Variants in ARL1 observed in about 807,000 individuals in gnomAD.
ARL1 encodes the protein ARF like GTPase 1.
In ARL1, 17 loss-of-function variants were observed where a neutral mutation model predicts 30.1. That is an observed-to-expected ratio of 0.56 (90% CI 0.39 to 0.85). ARL1 has a LOEUF of 0.85. Ranked by LOEUF, ARL1 falls within the 40% of genes least tolerant of loss-of-function variation. The probability of loss-of-function intolerance (pLI) is 0.00; values close to 1 mark genes in which losing one functional copy is unlikely to be tolerated. For missense variants in ARL1, 102 were observed against 212.6 expected, an observed-to-expected ratio of 0.48 and a Z score of 3.24; for synonymous variants, 58 against 71.7, an observed-to-expected ratio of 0.81 and a Z score of 0.97.
Position 101,407,757 on chromosome 12 carries a change from TC to T in ARL1, c.-113del. 6.6e-7 allele frequency: 1 copy of T among 1,506,482 alleles called. No individual in the cohort carries two copies. Among genetic ancestry groups the T allele is most frequent in the Non-Finnish European group, 9.2e-7 (1 of 1,092,090 alleles). The allele number at this position is 1,506,482 out of a possible 1,614,324, so 93.3% of individuals were successfully genotyped here. On this transcript the variant is annotated 5_prime_UTR_variant, in exon 1 of 6. Coordinates refer to ENST00000261636, the MANE Select transcript of ARL1 (RefSeq NM_001177.6). ...TCAGCCAGCAACTTCCACGTCGGAC[TC>T]CAGGCGGGGGCGGGAGCGAGGGTCA... is the stretch of plus-strand genomic sequence containing the variant.
At chr12:101,399,931 A>T (rs1177877112) in intron 4 of ARL1, among the ~76,000 whole-genome samples, 1 of 151,936 alleles carries the variant, frequency 6.6e-6, no homozygotes, top group Middle Eastern at 3.4e-3. Context: ...ATTTTTTTTT[A>T]ATTTTTATTT....
intron 2 of ARL1, among the ~76,000 whole-genome samples, chr12:101,404,015 GTTTTATA>G (rs1871373258): frequency 1.3e-5 from 2 of 152,032 alleles, no homozygotes; most frequent in African/African-American, 4.8e-5. Flanking sequence ...ATTAGCTTTT[GTTTTATA>G]TTTAAGTCTG....
At chr12:101,403,566 C>T (rs1871361773) in intron 2 of ARL1, 1 of 171,068 alleles carries the variant, frequency 5.8e-6, no homozygotes, top group Non-Finnish European at 1.2e-5. Flanking sequence ...TGCAGACATC[C>T]TCCAGAACTC....
In ARL1 at chr12:101,395,518, G is replaced by T; in HGVS notation, c.*122C>A. 7.1e-6 allele frequency: 5 copies of T among 706,422 alleles called. No homozygotes were observed. Among genetic ancestry groups the T allele is most frequent in the Non-Finnish European group, 6.9e-6 (3 of 432,964 alleles). The allele number at this position is 706,422 out of a possible 1,614,324, so 43.8% of individuals were successfully genotyped here. A position where few individuals can be genotyped will look rare whatever the true frequency, so the allele number is the denominator to read the frequency against. ...TTCCCTATTTACTACAAATATTGCA[G>T]TCAGTCAGTATATGCCAATAATCAT... On this transcript the variant is annotated 3_prime_UTR_variant, in exon 6 of 6. Coordinates refer to ENST00000261636, the MANE Select transcript of ARL1 (RefSeq NM_001177.6).
chr12:101,402,017 G>A (rs1871319177), intron 3 of ARL1, among the ~76,000 whole-genome samples: 1 of 152,056 alleles, frequency 6.6e-6, no homozygotes, highest in Non-Finnish European at 1.5e-5. Context: ...CGTGATTCAA[G>A]AAATGAGTTA....
Position 101,396,542 on chromosome 12 carries a change from A to G in ARL1, c.372T>C (p.Phe124=). The G allele has an allele frequency of 6.2e-7, 1 of 1,613,926 alleles. No homozygotes were observed. The highest frequency in any genetic ancestry group is 8.5e-7 in the Non-Finnish European group (1 of 1,179,818). Residue 124 remains phenylalanine, a synonymous_variant, in exon 5 of 6, where the codon TTT becomes TTC. Coordinates refer to ENST00000261636, the MANE Select transcript of ARL1 (RefSeq NM_001177.6). The part of the protein sequence containing the change: ...EELRKAILVV[F]ANKQDMEQAM... The stretch of plus-strand genomic sequence containing the variant: ...CCTGTTCCATGTCCTGTTTATTTGC[A>G]AACACCACTAAAATGGCTTTTCTCA...
intron 2 of ARL1, chr12:101,403,235 AT>A (rs1486216126): frequency 4.3e-6 from 2 of 465,342 alleles, no homozygotes; most frequent in South Asian, 1.7e-5. Context: ...TCTTCAGGAT[AT>A]TTTTTAAAAG....
rs758738882 is a variant in ARL1, at chr12:101,396,334, C to T, written c.515+65G>A. On this transcript the variant is annotated intron_variant, in intron 5 of 5. Coordinates refer to ENST00000261636, the MANE Select transcript of ARL1 (RefSeq NM_001177.6). ...TCCTCAACACGGGAGAAAAATTACA[C>T]GTGGACGTGCATAGCTGCAAGCACA... is the stretch of plus-strand genomic sequence containing the variant. The T allele has an allele frequency of 1.4e-5, 22 of 1,591,222 alleles. No homozygotes were observed. The African/African-American group carries it at 2.0e-4, about 15-fold the overall frequency.
At chr12:101,399,450 T>C (rs1019233743) in intron 4 of ARL1, among the ~76,000 whole-genome samples, 1 of 145,400 alleles carries the variant, frequency 6.9e-6, no homozygotes, top group Admixed American at 7.1e-5. Context: ...AGGCGAAAAT[T>C]GTAGTGAGTG....
rs1361675689 is a variant in ARL1, at chr12:101,395,635, C to T, written c.*5G>A. ...CTTCATTTCAGGGGAGAAGAATGGA[C>T]TGAATTACTGTCTGCTTTTTAATGT... On this transcript the variant is annotated 3_prime_UTR_variant, in exon 6 of 6. Transcript: ENST00000261636. The T allele has an allele frequency of 1.3e-6, 2 of 1,578,884 alleles. No homozygotes were observed. The highest frequency in any genetic ancestry group is 8.6e-7 in the Non-Finnish European group (1 of 1,158,898).
chr12:101,405,018 T>C (rs1363740717), intron 2 of ARL1, among the ~76,000 whole-genome samples: 1 of 152,128 alleles, frequency 6.6e-6, no homozygotes, highest in Non-Finnish European at 1.5e-5. Context: ...ATTACAGGCA[T>C]GCACCACCAC....
chr12:101,393,406 T>G lies in ARL1; in HGVS notation c.*2234A>C, dbSNP rs1871063226. On this transcript the variant is annotated 3_prime_UTR_variant, in exon 6 of 6. Coordinates refer to ENST00000261636, the MANE Select transcript of ARL1 (RefSeq NM_001177.6). ...AAACGTTTGGTATCATTCGTCCAGA[T>G]CCCATTTTACAGAAAAGAAACTACA... 6.6e-6 allele frequency: 1 copy of G among 152,104 alleles called. No individual in the cohort carries two copies. The highest frequency in any genetic ancestry group is 2.1e-4 in the South Asian group (1 of 4,830). 9.4% of individuals were successfully genotyped at this position (152,104 alleles called of 1,614,324 possible).
chr12:101,402,564 A>G (rs971367807), intron 3 of ARL1, among the ~76,000 whole-genome samples: 5 of 152,236 alleles, frequency 3.3e-5, no homozygotes, highest in African/African-American at 1.2e-4. Context: ...AATGTGTTTC[A>G]GAGAGGAGAG....
intron 1 of ARL1, 47 bp from the exon 2 acceptor site, chr12:101,406,028 C>T (rs1180414237): frequency 1.4e-6 from 2 of 1,458,776 alleles, no homozygotes; most frequent in African/African-American, 2.8e-5. Context: ...ATTTTGTGAA[C>T]TAGGTATACA....
At chr12:101,402,590 A>G (rs1287351599) in intron 3 of ARL1, among the ~76,000 whole-genome samples, 5 of 152,196 alleles carry the variant, frequency 3.3e-5, no homozygotes, top group Admixed American at 3.3e-4. Flanking sequence ...CAAGAACTAA[A>G]TGGAGGGTCC....
intron 5 of ARL1, 128 bp downstream of exon 5, chr12:101,396,271 A>T: frequency 1.6e-6 from 2 of 1,220,776 alleles, no homozygotes; most frequent in African/African-American, 3.0e-5. Flanking sequence ...ACGCTTGAGG[A>T]ACTTATGAAA....
intron 2 of ARL1, 182 bp from the exon 3 acceptor site, chr12:101,403,128 T>G: frequency 2.1e-6 from 1 of 476,680 alleles, no homozygotes; most frequent in South Asian, 2.5e-5. Context: ...ACATTATTGG[T>G]TGAGATTTTA....
At chr12:101,398,479 T>G (rs1210084135) in intron 4 of ARL1, among the ~76,000 whole-genome samples, 1 of 151,996 alleles carries the variant, frequency 6.6e-6, no homozygotes, top group Non-Finnish European at 1.5e-5. Context: ...AGATGGAGTC[T>G]CACTCCATCA....
At position 101,395,507 on chromosome 12, in the gene ARL1, C is replaced by T. The variant is rs535206532; in HGVS notation, c.*133G>A. 23 of 646,900 alleles carry T rather than the reference C, an allele frequency of 3.6e-5. No homozygotes were observed. The South Asian group carries it at 4.4e-4, about 12-fold the overall frequency. The allele number at this position is 646,900 out of a possible 1,614,324, so 40.1% of individuals were successfully genotyped here. On this transcript the variant is annotated 3_prime_UTR_variant, in exon 6 of 6. Transcript: ENST00000261636. ...AAATACTTATTTTCCCTATTTACTA[C>T]AAATATTGCAGTCAGTCAGTATATG... is the stretch of plus-strand genomic sequence containing the variant.
Sources: gnomAD v4.1 joint callset for allele counts (sites outside exome capture counted in the v4.1 genomes callset) on GRCh38, gnomAD v4.1.1 for gene constraint, MANE v1.5 for transcripts, NCBI Gene and HGNC (gene_info 2026-07-23, HGNC 2026-07-21) for gene names.